Variants in MMP16 observed in about 807,000 individuals in gnomAD.
MMP16 encodes matrix metallopeptidase 16.
Under a neutral mutation model 67.8 loss-of-function variants are expected in MMP16, and 12 were observed. That is an observed-to-expected ratio of 0.18 (90% CI 0.11 to 0.29). The LOEUF (loss-of-function observed/expected upper bound fraction) is 0.29. MMP16 is among the 10% of genes least tolerant of loss of function. The pLI is 1.00. For missense variants in MMP16, 475 were observed against 765.7 expected (o/e 0.62, Z 4.48); for synonymous variants, 249 against 255.9 (o/e 0.97, Z 0.26).
intron 1 of MMP16, among the ~76,000 whole-genome samples, chr8:88,243,982 T>C (rs1387807971): frequency 1.3e-5 from 2 of 152,230 alleles, no homozygotes; most frequent in Admixed American, 6.5e-5. Context: ...TTAATACAGG[T>C]AAATCAGTTA....
chr8:88,074,524 T>A (rs912466489), intron 7 of MMP16, 81 bp downstream of exon 7: 3 of 1,283,574 alleles, frequency 2.3e-6, no homozygotes, highest in Admixed American at 2.4e-5. Flanking sequence ...GTAATCTCAT[T>A]TCATCACTTT....
intron 1 of MMP16, among the ~76,000 whole-genome samples, chr8:88,296,253 T>A (rs1040624517): frequency 6.6e-6 from 1 of 152,212 alleles, no homozygotes; most frequent in African/African-American, 2.4e-5. Flanking sequence ...ATATCTGTAA[T>A]AAAATGAATA....
At chr8:88,311,170 G>T (rs1041194171) in intron 1 of MMP16, among the ~76,000 whole-genome samples, 1 of 151,840 alleles carries the variant, frequency 6.6e-6, no homozygotes, top group African/African-American at 2.4e-5. Flanking sequence ...ATTTATTCTC[G>T]ACACCAAAAA....
intron 6 of MMP16, among the ~76,000 whole-genome samples, chr8:88,080,845 G>A (rs1205908944): frequency 1.3e-5 from 2 of 152,128 alleles, no homozygotes; most frequent in African/African-American, 2.4e-5. Context: ...CAACAATACC[G>A]AAAGAAAGAC....
intron 8 of MMP16, among the ~76,000 whole-genome samples, chr8:88,049,589 C>T (rs763426842): frequency 2.0e-5 from 3 of 152,158 alleles, no homozygotes; most frequent in Non-Finnish European, 4.4e-5. Flanking sequence ...CATCAGAATG[C>T]CCTTACAATA....
chr8:88,237,308 T>C (rs1289053802), intron 1 of MMP16, among the ~76,000 whole-genome samples: 2 of 152,194 alleles, frequency 1.3e-5, no homozygotes, highest in African/African-American at 4.8e-5. Flanking sequence ...CAGCTAGGCT[T>C]AAGTAACAAG....
intron 4 of MMP16, among the ~76,000 whole-genome samples, chr8:88,160,519 A>C (rs1269860329): frequency 6.6e-6 from 1 of 152,044 alleles, no homozygotes; most frequent in African/African-American, 2.4e-5. Context: ...GTAGCCAAAA[A>C]ACACATGAAA....
intron 6 of MMP16, among the ~76,000 whole-genome samples, chr8:88,078,642 C>T (rs544122283): frequency 1.3e-5 from 2 of 152,198 alleles, no homozygotes; most frequent in South Asian, 2.1e-4. Flanking sequence ...TGTGCCACTG[C>T]ACTCCGCCAG....
chr8:88,193,470 G>A (rs1809201793), intron 2 of MMP16, among the ~76,000 whole-genome samples: 2 of 152,118 alleles, frequency 1.3e-5, no homozygotes, highest in East Asian at 1.9e-4. Flanking sequence ...AAAGAGAAGG[G>A]GTGGCTAATG....
At chr8:88,050,041 G>T (rs1295500897) in intron 8 of MMP16, among the ~76,000 whole-genome samples, 2 of 151,644 alleles carry the variant, frequency 1.3e-5, no homozygotes, top group Non-Finnish European at 2.9e-5. Context: ...ATAATAATAG[G>T]CCAGGCATGG....
Position 88,041,543 on chromosome 8 carries a change from A to G in MMP16, c.1742T>C (p.Val581Ala). 6.2e-7 allele frequency: 1 copy of G among 1,614,144 alleles called. No individual in the cohort carries two copies. The highest frequency in any genetic ancestry group is 8.5e-7 in the Non-Finnish European group (1 of 1,179,996). ...CCTCTTGAACTGGAACACAGTGTAA[A>G]CCAATACAAGGAGGCATAAGGCCAA... ...CILALCLLVLVYTVFQFKRKG... is the reference protein window; with the variant it reads ...CILALCLLVLAYTVFQFKRKG... The change falls in exon 10 of 10, where the codon GTT becomes GCT. Residue 581 changes from valine (V) to alanine (A), a missense_variant. Physicochemically the swap from Val to Ala is moderately conservative, Grantham distance 64 (BLOSUM62 0). Transcript: ENST00000286614. The surrounding 1 kb of genome is among the most constrained non-coding windows in gnomAD (Gnocchi z 6.0).
At chr8:88,111,142 T>C (rs1809328378) in intron 6 of MMP16, among the ~76,000 whole-genome samples, 1 of 151,662 alleles carries the variant, frequency 6.6e-6, no homozygotes, top group South Asian at 2.1e-4. Flanking sequence ...GACATACAAC[T>C]ATGCAACAGG....
At chr8:88,051,569 C>A (rs1808271348) in intron 8 of MMP16, among the ~76,000 whole-genome samples, 1 of 152,100 alleles carries the variant, frequency 6.6e-6, no homozygotes, top group Non-Finnish European at 1.5e-5. Context: ...AAAAATGCAA[C>A]AGAATAGAAA....
intron 1 of MMP16, among the ~76,000 whole-genome samples, chr8:88,232,769 T>C (rs1809881850): frequency 6.6e-6 from 1 of 152,180 alleles, no homozygotes; most frequent in African/African-American, 2.4e-5. Context: ...AAATGGACTT[T>C]CAATGTAAGG....
chr8:88,077,694 G>GT (rs1172454439), intron 6 of MMP16, among the ~76,000 whole-genome samples: 1 of 152,122 alleles, frequency 6.6e-6, no homozygotes, highest in African/African-American at 2.4e-5. Flanking sequence ...AAAGAGCAAA[G>GT]TAAAAGTAAT....
chr8:88,037,084 T>C lies in MMP16; in HGVS notation c.*4377A>G, dbSNP rs534374454. On this transcript the variant is annotated 3_prime_UTR_variant, in exon 10 of 10. Coordinates refer to ENST00000286614, the MANE Select transcript of MMP16 (RefSeq NM_005941.5). ...TATGGACACACTATTTATTCCACTG[T>C]AAGATCCACAAAGTGTGGGCGTGTA... 2 of 150,844 alleles carry C rather than the reference T, an allele frequency of 1.3e-5. No individual in the cohort carries two copies. The highest frequency in any genetic ancestry group is 1.3e-4 in the Admixed American group (2 of 14,976). The allele number at this position is 150,844 out of a possible 1,614,324, so 9.3% of individuals were successfully genotyped here.
At chr8:88,294,078 AACTG>A (rs957895536) in intron 1 of MMP16, among the ~76,000 whole-genome samples, 5 of 152,062 alleles carry the variant, frequency 3.3e-5, no homozygotes, top group Non-Finnish European at 5.9e-5. Context: ...TTGCATGTCT[AACTG>A]ACTATCTATA....
intron 1 of MMP16, among the ~76,000 whole-genome samples, chr8:88,239,596 G>A (rs992917251): frequency 2.0e-5 from 3 of 151,606 alleles, no homozygotes; most frequent in African/African-American, 7.3e-5. Flanking sequence ...AAATCTCATG[G>A]TTTCCACAGA....
At chr8:88,292,059 C>T (rs1810934281) in intron 1 of MMP16, among the ~76,000 whole-genome samples, 1 of 152,108 alleles carries the variant, frequency 6.6e-6, no homozygotes, top group African/African-American at 2.4e-5. Context: ...ATACAAAGTC[C>T]ATTCTTATTC....
Sources: allele counts gnomAD v4.1 joint callset (sites outside exome capture counted in the v4.1 genomes callset), GRCh38; gene constraint gnomAD v4.1.1; non-coding constraint Gnocchi (gnomAD v3.1); transcripts MANE v1.5; gene names NCBI Gene and HGNC (gene_info 2026-07-23, HGNC 2026-07-21).